The following DDX43 variants were observed in gnomAD, a reference collection of about 807,000 sequenced individuals.
DDX43 encodes probable ATP-dependent RNA helicase DDX43.
In DDX43, 50 loss-of-function variants were observed where a neutral mutation model predicts 84.9. That is an observed-to-expected ratio of 0.59 (90% CI 0.47 to 0.75). The LOEUF (loss-of-function observed/expected upper bound fraction) is 0.75, where lower values mean the gene tolerates loss of function less well. Ranked by LOEUF, DDX43 falls within the 30% of genes least tolerant of loss-of-function variation. The probability of loss-of-function intolerance (pLI) is 0.00; values close to 1 mark genes in which losing one functional copy is unlikely to be tolerated. For synonymous variants in DDX43, 291 were observed against 266.3 expected (o/e 1.09, Z -0.90); for missense variants, 689 against 798.6 (o/e 0.86, Z 1.65).
chr6:73,408,266 C>G (rs1769719332), intron 9 of DDX43, among the ~76,000 whole-genome samples, 165 bp downstream of exon 9: 1 of 151,950 alleles, frequency 6.6e-6, no homozygotes, highest in Non-Finnish European at 1.5e-5. Flanking sequence ...GAAACTCCGT[C>G]TCTACTAAAA....
At chr6:73,409,647 T>C (rs559558100) in intron 10 of DDX43, among the ~76,000 whole-genome samples, 4 of 152,350 alleles carry the variant, frequency 2.6e-5, no homozygotes, top group South Asian at 4.1e-4. Context: ...TGAATACTTA[T>C]TGCTCACAAT....
At chr6:73,414,199 C>A in intron 13 of DDX43, 120 bp downstream of exon 13, 2 of 649,244 alleles carry the variant, frequency 3.1e-6, no homozygotes, top group South Asian at 1.9e-5. Flanking sequence ...CCTTCTGTAT[C>A]CTACAACTAC....
Position 73,409,247 on chromosome 6 carries a change from G to T in DDX43, c.1180-1G>T. The T allele has an allele frequency of 6.2e-7, 1 of 1,613,424 alleles. No individual in the cohort carries two copies. Among genetic ancestry groups the T allele is most frequent in the Non-Finnish European group, 8.5e-7 (1 of 1,179,486 alleles). ...AACCACATTCTTTTTTGTCAATGCA[G>T]GTTTTAGATGAAGCAGACAAGATGT... On this transcript the variant is annotated splice_acceptor_variant, in intron 9 of 16. Transcript: ENST00000370336. LOFTEE classifies it high-confidence loss of function.
At chr6:73,404,155 G>T (rs558624983) in intron 4 of DDX43, among the ~76,000 whole-genome samples, 173 of 151,812 alleles carry the variant, frequency 1.1e-3, no homozygotes, top group African/African-American at 3.9e-3. Context: ...CACTTTTGTT[G>T]CCCAGGCTGG....
chr6:73,416,357 TA>T, intron 16 of DDX43, 106 bp downstream of exon 16: 1 of 591,306 alleles, frequency 1.7e-6, no homozygotes, highest in Non-Finnish European at 3.0e-6. Context: ...ATTAACATAA[TA>T]AACTAGGTGT....
chr6:73,401,900 G>C lies in DDX43; in HGVS notation c.478G>C (p.Asp160His). ...TTCTGTTGGAAAAGATGGAAGCACA[G>C]ATAACAATGTTGTTGCAGGAGATCG... ...QPSVGKDGST[D>H]NNVVAGDRPL... The change falls in exon 4 of 17, where the codon GAT (aspartate) becomes CAT (histidine). Residue 160 changes from aspartate (D) to histidine (H), a missense_variant. Physicochemically the swap from Asp to His is moderately conservative, Grantham distance 81. Coordinates refer to ENST00000370336, the MANE Select transcript of DDX43 (RefSeq NM_018665.3). The C allele has an allele frequency of 6.2e-7, 1 of 1,613,692 alleles. No individual in the cohort carries two copies. The highest frequency in any genetic ancestry group is 8.5e-7 in the Non-Finnish European group (1 of 1,179,890).
chr6:73,409,192 G>T, intron 9 of DDX43, 56 bp from the exon 10 acceptor site: 1 of 1,272,466 alleles, frequency 7.9e-7, no homozygotes, highest in Non-Finnish European at 1.1e-6. Flanking sequence ...GAAAGCATAT[G>T]TATTATTACC....
chr6:73,396,434 C>G (rs1428181080), intron 1 of DDX43, among the ~76,000 whole-genome samples: 2 of 152,096 alleles, frequency 1.3e-5, no homozygotes, highest in African/African-American at 4.8e-5. Flanking sequence ...GCTGTACTAC[C>G]CAGAGACTCA....
At chr6:73,414,853 G>C (rs1769871088) in intron 14 of DDX43, among the ~76,000 whole-genome samples, 167 bp downstream of exon 14, 1 of 152,020 alleles carries the variant, frequency 6.6e-6, no homozygotes, top group South Asian at 2.1e-4. Context: ...GCTTGTTCCA[G>C]ACTCAACCAG....
In DDX43 at chr6:73,414,691, G is replaced by A. The variant is rs777644687; in HGVS notation, c.1745+5G>A. ...AGGGCGCACGGGAAGAGCAGGGTAAGTAAGCTTAGTCCACCCATGAAAGGC... is the reference window on the plus strand; with the variant it reads ...AGGGCGCACGGGAAGAGCAGGGTAAATAAGCTTAGTCCACCCATGAAAGGC... On this transcript the variant is annotated splice_donor_5th_base_variant and intron_variant, in intron 14 of 16. Coordinates refer to ENST00000370336, the MANE Select transcript of DDX43 (RefSeq NM_018665.3). The A allele has an allele frequency of 6.2e-6, 10 of 1,608,666 alleles. No individual in the cohort carries two copies. The highest frequency in any genetic ancestry group is 1.3e-5 in the African/African-American group (1 of 74,704).
In DDX43 at chr6:73,395,246, A is replaced by G. The variant is rs1313116995; in HGVS notation, c.250+91A>G. ...TTTCCTCCCCACTGCCTCACCTCCA[A>G]TCAGCTGCCACCTAGTGAGGTTCAG... On this transcript the variant is annotated intron_variant, in intron 1 of 16. Transcript: ENST00000370336. 4 of 1,433,628 alleles carry G rather than the reference A, an allele frequency of 2.8e-6. No individual in the cohort carries two copies. The Admixed American group carries it at 9.0e-5, about 32-fold the overall frequency. 88.8% of individuals were successfully genotyped at this position (1,433,628 alleles called of 1,614,324 possible).
rs1326906184 is a variant in DDX43, at chr6:73,404,662, A to G, written c.569-28A>G. On this transcript the variant is annotated intron_variant, in intron 4 of 16. Coordinates refer to ENST00000370336, the MANE Select transcript of DDX43 (RefSeq NM_018665.3). ...TATTCATGATGCTGTAAAATTTATC[A>G]AAGTGTGGATTTTCGCCTTTGTCCC... 4.5e-6 allele frequency: 7 copies of G among 1,538,638 alleles called. No individual in the cohort carries two copies. In the East Asian group the frequency reaches 1.3e-4, roughly 30 times the overall value.
chr6:73,398,870 C>T (rs1176381502), intron 2 of DDX43, among the ~76,000 whole-genome samples: 1 of 152,178 alleles, frequency 6.6e-6, no homozygotes, highest in East Asian at 1.9e-4. Flanking sequence ...CATCATTTGC[C>T]TTCCCCACTA....
rs11963857 is a variant in DDX43 at position 73,413,253 on chromosome 6, A to G, written c.1369-405A>G. Among the ~76,000 whole-genome samples the G allele has an allele frequency of 7.3e-3, 1,106 of 152,298 alleles. 13 individuals are homozygous for G. Among genetic ancestry groups the G allele is most frequent in the African/African-American group, 0.025 (1,054 of 41,552 alleles). On this transcript the variant is annotated intron_variant, in intron 11 of 16. Coordinates refer to ENST00000370336, the MANE Select transcript of DDX43 (RefSeq NM_018665.3). ...AATGAAATTGGCCTTTCACTTAATC[A>G]TTAATAATAATGGGTCATTGCTTAC...
At chr6:73,403,232 G>A (rs1021233044) in intron 4 of DDX43, among the ~76,000 whole-genome samples, 2 of 152,174 alleles carry the variant, frequency 1.3e-5, no homozygotes, top group Non-Finnish European at 1.5e-5. Flanking sequence ...ACTTTGGGAG[G>A]CCGAGGCTGG....
intron 10 of DDX43, among the ~76,000 whole-genome samples, chr6:73,410,030 CAAA>C (rs200732786): frequency 9.5e-5 from 9 of 94,248 alleles, no homozygotes; most frequent in Admixed American, 3.6e-4. Flanking sequence ...AAATCTGTCT[CAAA>C]AAAAAAAAAA....
At chr6:73,402,932 A>C (rs1404365976) in intron 4 of DDX43, among the ~76,000 whole-genome samples, 1 of 152,180 alleles carries the variant, frequency 6.6e-6, no homozygotes, top group African/African-American at 2.4e-5. Flanking sequence ...TATATGGGGG[A>C]TAATGCTTCA....
At chr6:73,404,807 G>C (rs760740658) in intron 5 of DDX43, 36 bp downstream of exon 5, 1 of 1,480,150 alleles carries the variant, frequency 6.8e-7, no homozygotes, top group Non-Finnish European at 9.4e-7. Flanking sequence ...GTAAGTATTT[G>C]TATAGTTACG....
intron 9 of DDX43, 99 bp from the exon 10 acceptor site, chr6:73,409,149 G>A (rs879855257): frequency 5.6e-6 from 5 of 888,786 alleles, no homozygotes; most frequent in Admixed American, 2.0e-5. Context: ...TAGGGGAAAT[G>A]AGAAAAGCCT....
Sources: allele counts gnomAD v4.1 joint callset (sites outside exome capture counted in the v4.1 genomes callset), GRCh38; gene constraint gnomAD v4.1.1; transcripts MANE v1.5; gene names NCBI Gene and HGNC (gene_info 2026-07-23, HGNC 2026-07-21).